The following TTC27 variants were observed in gnomAD, a reference collection of about 807,000 sequenced individuals.
TTC27 encodes the protein tetratricopeptide repeat domain 27, also known as tetratricopeptide repeat protein 27.
A neutral mutation model predicts 115.9 loss-of-function variants in TTC27; 79 were observed. The ratio of observed to expected loss-of-function variants is 0.68; its 90% CI spans 0.57 to 0.82. The LOEUF (loss-of-function observed/expected upper bound fraction) is 0.82, where lower values mean the gene tolerates loss of function less well. Among genes scored for constraint, TTC27 ranks in the 40% least tolerant of loss-of-function variants. TTC27 has a pLI of 0.00. For missense variants in TTC27, 1,054 were observed against 993.1 expected (o/e 1.06, Z -0.82); for synonymous variants, 401 against 356.0 (o/e 1.13, Z -1.42).
chr2:32,737,266 A>C (rs1185916495), intron 12 of TTC27, among the ~76,000 whole-genome samples: 1 of 152,158 alleles, frequency 6.6e-6, no homozygotes, highest in East Asian at 1.9e-4. Flanking sequence ...TGCACATTTA[A>C]TTCTACCCTT....
intron 12 of TTC27, among the ~76,000 whole-genome samples, chr2:32,742,585 T>C (rs777352754): frequency 3.3e-5 from 5 of 152,222 alleles, no homozygotes; most frequent in Non-Finnish European, 5.9e-5. Flanking sequence ...CAAAGTGTTT[T>C]GCACTTGTCA....
chr2:32,652,333 T>C (rs1382639595), intron 5 of TTC27, among the ~76,000 whole-genome samples: 7 of 151,996 alleles, frequency 4.6e-5, no homozygotes, highest in Non-Finnish European at 1.0e-4. Flanking sequence ...ATCGCGTCAT[T>C]GCACTCTGGC....
chr2:32,784,502 A>T (rs1036983555), intron 15 of TTC27, among the ~76,000 whole-genome samples: 2 of 152,168 alleles, frequency 1.3e-5, no homozygotes, highest in African/African-American at 4.8e-5. Flanking sequence ...AAGATTCTTC[A>T]CTAAAGTGCT....
At chr2:32,678,769 G>A in intron 8 of TTC27, 87 bp from the exon 9 acceptor site, 1 of 902,786 alleles carries the variant, frequency 1.1e-6, no homozygotes, top group Non-Finnish European at 1.7e-6. Context: ...ATAAAATATA[G>A]CAGTTTACTT....
At chr2:32,747,386 G>A (rs1036637648) in intron 12 of TTC27, among the ~76,000 whole-genome samples, 4 of 152,064 alleles carry the variant, frequency 2.6e-5, no homozygotes, top group African/African-American at 4.8e-5. Flanking sequence ...TCATAGTTTA[G>A]CCTATTCTAC....
At chr2:32,637,991 C>A (rs1664493667) in intron 3 of TTC27, among the ~76,000 whole-genome samples, 1 of 152,232 alleles carries the variant, frequency 6.6e-6, no homozygotes, top group Non-Finnish European at 1.5e-5. Flanking sequence ...TGAGGCTCTC[C>A]AAATGCTTAG....
At chr2:32,665,266 G>A (rs1194466953) in intron 6 of TTC27, among the ~76,000 whole-genome samples, 1 of 152,094 alleles carries the variant, frequency 6.6e-6, no homozygotes, top group African/African-American at 2.4e-5. Flanking sequence ...CATTGTGTGT[G>A]TGGGCAAAAT....
Position 32,769,912 on chromosome 2 carries a change from A to C in TTC27, c.1681-7970A>C, listed in dbSNP as rs575445785. 2.3e-4 allele frequency among the ~76,000 whole-genome samples: 35 copies of C among 152,288 alleles called. 1 individual carries two copies. In the South Asian group the frequency reaches 6.8e-3, roughly 30 times the overall value. On this transcript the variant is annotated intron_variant, in intron 13 of 19. Coordinates refer to ENST00000317907, the MANE Select transcript of TTC27 (RefSeq NM_017735.5). ...GGCATGAATAGCATTGTGTGTAGCC[A>C]AGGAATTGAGTGAATAGGCAACATG...
intron 7 of TTC27, among the ~76,000 whole-genome samples, chr2:32,667,144 T>C (rs779158460): frequency 6.6e-6 from 1 of 152,220 alleles, no homozygotes; most frequent in Non-Finnish European, 1.5e-5. Context: ...CTTATGTTTG[T>C]CTTCTCTTGG....
intron 10 of TTC27, among the ~76,000 whole-genome samples, chr2:32,730,820 C>T (rs903960315): frequency 1.3e-5 from 2 of 151,970 alleles, no homozygotes; most frequent in African/African-American, 2.4e-5. Context: ...TGGGGTTTCA[C>T]CATGTTGGCC....
At chr2:32,686,573 G>A (rs139534187) in intron 9 of TTC27, among the ~76,000 whole-genome samples, 5 of 151,910 alleles carry the variant, frequency 3.3e-5, no homozygotes, top group Non-Finnish European at 7.4e-5. Flanking sequence ...ATTGCTCAGG[G>A]TGGTCTCGAA....
intron 7 of TTC27, among the ~76,000 whole-genome samples, chr2:32,667,921 G>T (rs956835314): frequency 6.6e-5 from 10 of 151,498 alleles, no homozygotes; most frequent in Non-Finnish European, 1.0e-4. Context: ...AGGTGCAGTG[G>T]CTCACGCCTG....
At chr2:32,674,608 T>C (rs12998601) in intron 8 of TTC27, among the ~76,000 whole-genome samples, 36,670 of 152,066 alleles carry the variant, frequency 0.24, 5,553 homozygotes, top group African/African-American at 0.42. Flanking sequence ...TACAGAGTTC[T>C]GTTTCTAAAG....
intron 10 of TTC27, among the ~76,000 whole-genome samples, chr2:32,712,204 G>T (rs558855339): frequency 6.6e-6 from 1 of 152,258 alleles, no homozygotes; most frequent in African/African-American, 2.4e-5. Flanking sequence ...AACTTGAAAA[G>T]AAAATGTTTA....
chr2:32,758,405 C>G lies in TTC27; in HGVS notation c.1566C>G (p.Ser522=). ...HSCYDKAWEL[S]RYRSARAQRS... is the part of the protein sequence containing the mutation. ...GCTATGACAAGGCCTGGGAGTTGTCCCGGTACCGCAGTGCTCGTGCTCAGC... is the reference window on the plus strand; with the variant it reads ...GCTATGACAAGGCCTGGGAGTTGTCGCGGTACCGCAGTGCTCGTGCTCAGC... The change falls in exon 13 of 20, where the codon TCC becomes TCG. Residue 522 remains serine (S), a synonymous_variant. Coordinates refer to ENST00000317907, the MANE Select transcript of TTC27 (RefSeq NM_017735.5). 1.9e-6 allele frequency: 3 copies of G among 1,614,160 alleles called. No homozygotes were observed. In the South Asian group the frequency reaches 3.3e-5, roughly 18 times the overall value.
chr2:32,682,574 TA>T (rs1666467919), intron 9 of TTC27, among the ~76,000 whole-genome samples: 2 of 152,138 alleles, frequency 1.3e-5, no homozygotes, highest in African/African-American at 4.8e-5. Context: ...TTCCCTGCTC[TA>T]GCAGCAGCTT....
chr2:32,638,958 A>G (rs112456006), intron 3 of TTC27, among the ~76,000 whole-genome samples: 8,925 of 151,724 alleles, frequency 0.059, 306 homozygotes, highest in African/African-American at 0.086. Flanking sequence ...TCAGCCTCCC[A>G]AGTAGCTGGG....
chr2:32,642,106 C>A (rs1664673059), intron 4 of TTC27, among the ~76,000 whole-genome samples: 1 of 152,132 alleles, frequency 6.6e-6, no homozygotes, highest in Admixed American at 6.6e-5. Flanking sequence ...ATCTGCCTAC[C>A]TCAGCCTCCC....
intron 9 of TTC27, among the ~76,000 whole-genome samples, chr2:32,683,704 T>C (rs764512340): frequency 2.6e-5 from 4 of 152,240 alleles, no homozygotes; most frequent in Non-Finnish European, 5.9e-5. Context: ...CCATTTATGT[T>C]GTATCAGCTT....
Sources: allele counts gnomAD v4.1 joint callset (sites outside exome capture counted in the v4.1 genomes callset), GRCh38; gene constraint gnomAD v4.1.1; transcripts MANE v1.5; gene names NCBI Gene and HGNC (gene_info 2026-07-23, HGNC 2026-07-21).